The following BEND6 variants were observed in gnomAD, a reference collection of about 807,000 sequenced individuals.
BEND6 encodes the protein BEN domain-containing protein 6.
Under a neutral mutation model 31.8 loss-of-function variants are expected in BEND6, and 24 were observed. That is an observed-to-expected ratio of 0.75 (90% CI 0.55 to 1.06). BEND6 has a LOEUF of 1.06. BEND6 is among the 50% of genes least tolerant of loss of function. The probability of loss-of-function intolerance (pLI) is 0.00; values close to 1 mark genes in which losing one functional copy is unlikely to be tolerated. For synonymous variants in BEND6, 109 were observed against 114.6 expected, an observed-to-expected ratio of 0.95 and a Z score of 0.31; for missense variants, 294 against 327.4, an observed-to-expected ratio of 0.90 and a Z score of 0.79.
At chr6:56,955,677 C>G (rs1445247965) in intron 1 of BEND6, among the ~76,000 whole-genome samples, 21 of 152,164 alleles carry the variant, frequency 1.4e-4, no homozygotes, top group Admixed American at 1.4e-3. Context: ...TGGGCACTTT[C>G]GATCTTCTTG....
In BEND6 at chr6:57,026,246, G is replaced by A. The variant is rs1021490851; in HGVS notation, c.*174G>A. On this transcript the variant is annotated 3_prime_UTR_variant, in exon 7 of 7. Transcript: ENST00000370746. Reference sequence around the variant, plus strand: ...GCTCTCCTAAGGGACCAACAAGCTTGCTGAAGAAGCTGCATGTAGATTCCA... The same window carrying A: ...GCTCTCCTAAGGGACCAACAAGCTTACTGAAGAAGCTGCATGTAGATTCCA... 1.3e-5 allele frequency: 2 copies of A among 152,178 alleles called. No homozygotes were observed. Among genetic ancestry groups the A allele is most frequent in the African/African-American group, 4.8e-5 (2 of 41,448 alleles). 9.4% of individuals were successfully genotyped at this position (152,178 alleles called of 1,614,324 possible).
At chr6:56,978,560 G>A (rs1027342023) in intron 1 of BEND6, among the ~76,000 whole-genome samples, 1 of 151,974 alleles carries the variant, frequency 6.6e-6, no homozygotes, top group Non-Finnish European at 1.5e-5. Flanking sequence ...GATCACCTTG[G>A]CAATTTCTGA....
rs371013253 is a variant in BEND6, at chr6:56,992,471, G to A, written c.214G>A (p.Ala72Thr). 6.8e-5 allele frequency: 109 copies of A among 1,614,030 alleles called. No individual in the cohort carries two copies. Among genetic ancestry groups the A allele is most frequent in the African/African-American group, 6.0e-4 (45 of 75,012 alleles). The change falls in exon 3 of 7, where the codon GCC becomes ACC. Residue 72 changes from alanine to threonine, a missense_variant. Coordinates refer to ENST00000370746, the MANE Select transcript of BEND6 (RefSeq NM_152731.3). The part of the protein sequence containing the change: ...LAELSKEELC[A>T]KIKSLKEKLT... ...AGAATTGTCAAAGGAAGAATTGTGC[G>A]CCAAAATAAAAAGCCTGAAAGAAAA...
At chr6:56,963,044 T>A (rs1825343664) in intron 1 of BEND6, among the ~76,000 whole-genome samples, 1 of 152,192 alleles carries the variant, frequency 6.6e-6, no homozygotes, top group Non-Finnish European at 1.5e-5. Context: ...GGCTTAGAGA[T>A]GTAAGGAATT....
chr6:56,967,618 C>T (rs1825530944), intron 1 of BEND6, among the ~76,000 whole-genome samples: 1 of 152,092 alleles, frequency 6.6e-6, no homozygotes, highest in African/African-American at 2.4e-5. Flanking sequence ...AAAGGGTCTC[C>T]TTCTCTAGCA....
chr6:56,976,674 C>T (rs1461296201), intron 1 of BEND6, among the ~76,000 whole-genome samples: 3 of 152,168 alleles, frequency 2.0e-5, no homozygotes, highest in Non-Finnish European at 4.4e-5. Flanking sequence ...AAGCGATTCC[C>T]CTGCCTCAGC....
rs578109675 is a variant in BEND6, at chr6:57,025,723, A to T, written c.*10-359A>T. On this transcript the variant is annotated intron_variant, in intron 6 of 6. Transcript: ENST00000370746. ...ATTTTCCTTGTGTTTGATGCTGGGG[A>T]TATTAGGGGAGAGGATTATTGTGGA... Among the ~76,000 whole-genome samples the T allele has an allele frequency of 3.7e-4, 57 of 152,184 alleles. 4 individuals carry two copies. In the South Asian group the frequency reaches 0.011, roughly 31 times the overall value.
At position 56,955,355 on chromosome 6, in the gene BEND6, G is replaced by A. The variant is rs1411463197; in HGVS notation, c.-206G>A. On this transcript the variant is annotated 5_prime_UTR_variant, in exon 1 of 7. Transcript: ENST00000370746. ...TCGTCAGGGGGCGCCAAGGAGCCAG[G>A]GGGAAAACCGAGAGGCGCTGACAGG... The A allele has an allele frequency of 1.3e-5, 2 of 152,354 alleles. No homozygotes were observed. Among genetic ancestry groups the A allele is most frequent in the African/African-American group, 4.8e-5 (2 of 41,462 alleles). 9.4% of individuals were successfully genotyped at this position (152,354 alleles called of 1,614,324 possible).
chr6:57,026,761 G>C lies in BEND6; in HGVS notation c.*689G>C, dbSNP rs1414213194. 1.3e-5 allele frequency: 2 copies of C among 152,128 alleles called. No homozygotes were observed. The highest frequency in any genetic ancestry group is 2.9e-5 in the Non-Finnish European group (2 of 68,018). The allele number at this position is 152,128 out of a possible 1,614,324, so 9.4% of individuals were successfully genotyped here. A position where few individuals can be genotyped will look rare whatever the true frequency, so the allele number is the denominator to read the frequency against. ...CCACACTTCTGAAGAATAAACCTAA[G>C]TTTTTGTGATTGTTAAAACAATGCA... On this transcript the variant is annotated 3_prime_UTR_variant, in exon 7 of 7. Coordinates refer to ENST00000370746, the MANE Select transcript of BEND6 (RefSeq NM_152731.3).
intron 3 of BEND6, among the ~76,000 whole-genome samples, chr6:57,013,597 A>G (rs905687041): frequency 6.6e-6 from 1 of 152,180 alleles, no homozygotes; most frequent in African/African-American, 2.4e-5. Context: ...ACTTGGCCCC[A>G]CCGTGAGTCA....
At chr6:57,015,822 A>G (rs1462592924) in intron 4 of BEND6, among the ~76,000 whole-genome samples, 3 of 151,638 alleles carry the variant, frequency 2.0e-5, no homozygotes, top group Non-Finnish European at 2.9e-5. Flanking sequence ...AAAAAAAAAA[A>G]AAAAAGAAGA....
chr6:56,993,105 A>G (rs1826570184), intron 3 of BEND6, among the ~76,000 whole-genome samples: 1 of 152,120 alleles, frequency 6.6e-6, no homozygotes, highest in African/African-American at 2.4e-5. Context: ...ATCACAAAAT[A>G]CTCCAGTGGC....
Position 56,981,702 on chromosome 6 carries a change from G to T in BEND6, c.-100-9G>T. 1 of 1,324,514 alleles carries T rather than the reference G, an allele frequency of 7.5e-7. No individual in the cohort carries two copies. Among genetic ancestry groups the T allele is most frequent in the South Asian group, 1.3e-5 (1 of 76,404 alleles). The allele number at this position is 1,324,514 out of a possible 1,614,324, so 82.0% of individuals were successfully genotyped here. A position where few individuals can be genotyped will look rare whatever the true frequency, so the allele number is the denominator to read the frequency against. Reference sequence around the variant, plus strand: ...TGTTATGTGTCATGTTTTTGTTTTTGTTTTTAAGGGAAAGCATTAACTTTT... The same window carrying T: ...TGTTATGTGTCATGTTTTTGTTTTTTTTTTTAAGGGAAAGCATTAACTTTT... On this transcript the variant is annotated splice_polypyrimidine_tract_variant and intron_variant, in intron 1 of 6. Coordinates refer to ENST00000370746, the MANE Select transcript of BEND6 (RefSeq NM_152731.3).
At chr6:57,014,345 A>T (rs913041943) in intron 3 of BEND6, 9 of 485,198 alleles carry the variant, frequency 1.9e-5, no homozygotes, top group Non-Finnish European at 2.8e-5. Context: ...GTACAAAAAA[A>T]GTTTCAGAGT....
At chr6:56,959,521 G>T (rs998232389) in intron 1 of BEND6, among the ~76,000 whole-genome samples, 1 of 152,114 alleles carries the variant, frequency 6.6e-6, no homozygotes, top group African/African-American at 2.4e-5. Context: ...TAACTTCCTT[G>T]CTTCTAGGTG....
intron 1 of BEND6, among the ~76,000 whole-genome samples, chr6:56,956,715 A>C (rs1825085729): frequency 6.6e-6 from 1 of 152,220 alleles, no homozygotes; most frequent in Non-Finnish European, 1.5e-5. Flanking sequence ...GGTCTCTAGC[A>C]CTCAGAGTGG....
In BEND6 at chr6:56,979,218, C is replaced by T. The variant is rs146639311; in HGVS notation, c.-100-2493C>T. Among the ~76,000 whole-genome samples the T allele has an allele frequency of 3.5e-3, 532 of 152,256 alleles. 5 individuals carry two copies. The highest frequency in any genetic ancestry group is 0.012 in the African/African-American group (491 of 41,562). The stretch of plus-strand genomic sequence containing the variant: ...GGAGTAATTAGTCTTCAAAGTATGA[C>T]ATGCTAAAAGGCAAATATCAAGAGA... On this transcript the variant is annotated intron_variant, in intron 1 of 6. Transcript: ENST00000370746.
intron 3 of BEND6, among the ~76,000 whole-genome samples, chr6:57,005,977 C>T (rs890835046): frequency 2.6e-5 from 4 of 152,166 alleles, no homozygotes; most frequent in African/African-American, 9.7e-5. Flanking sequence ...ATCAGTGGAA[C>T]AGAATGCATA....
At chr6:56,998,777 G>A (rs1593006132) in intron 3 of BEND6, among the ~76,000 whole-genome samples, 2 of 149,182 alleles carry the variant, frequency 1.3e-5, no homozygotes. Flanking sequence ...AGGAAAGAAA[G>A]AAAAAGGCAA....
Sources: allele counts gnomAD v4.1 joint callset (sites outside exome capture counted in the v4.1 genomes callset), GRCh38; gene constraint gnomAD v4.1.1; transcripts MANE v1.5; gene names NCBI Gene and HGNC (gene_info 2026-07-23, HGNC 2026-07-21).